ITGB1: variants seen among roughly 807,000 people sequenced by gnomAD.
ITGB1 encodes integrin beta-1.
Under a neutral mutation model 86.5 loss-of-function variants are expected in ITGB1, and 24 were observed. The observed-to-expected ratio is 0.28, with a 90% CI of 0.20 to 0.39. ITGB1 has a LOEUF of 0.39. Ranked by LOEUF, ITGB1 falls within the 10% of genes least tolerant of loss-of-function variation. The pLI is 1.00. For synonymous variants in ITGB1, 323 were observed against 316.8 expected (o/e 1.02, Z -0.21); for missense variants, 556 against 946.9 (o/e 0.59, Z 5.42).
At chr10:32,943,334 A>T (rs2095023444) in intron 1 of ITGB1, among the ~76,000 whole-genome samples, 1 of 152,200 alleles carries the variant, frequency 6.6e-6, no homozygotes, top group Non-Finnish European at 1.5e-5. Flanking sequence ...GATAAACTAA[A>T]TGTTTATTAT....
intron 1 of ITGB1, among the ~76,000 whole-genome samples, chr10:32,954,192 C>A (rs529270911): frequency 2.4e-4 from 36 of 152,148 alleles, no homozygotes; most frequent in Non-Finnish European, 3.4e-4. Flanking sequence ...GACATCTCCA[C>A]CTATGTCCCA....
chr10:32,953,997 C>T (rs977517151), intron 1 of ITGB1, among the ~76,000 whole-genome samples: 11 of 152,136 alleles, frequency 7.2e-5, no homozygotes, highest in Non-Finnish European at 1.6e-4. Flanking sequence ...TCCTCCACCC[C>T]CCCTTGACTA....
intron 1 of ITGB1, among the ~76,000 whole-genome samples, chr10:32,952,471 T>C (rs1275350222): frequency 6.6e-6 from 1 of 151,582 alleles, no homozygotes. Flanking sequence ...AACATGACCC[T>C]GTACCACCCC....
chr10:32,944,488 C>G, intron 1 of ITGB1: 5 of 380,006 alleles, frequency 1.3e-5, no homozygotes, highest in South Asian at 8.6e-5. Flanking sequence ...TGTGAAGCAC[C>G]TCTCTAGCGG....
Position 32,910,293 on chromosome 10 carries a change from G to T in ITGB1, c.2094C>A (p.Asp698Glu), listed in dbSNP as rs1352492397. ...CTGAATACGTAAAATAGAACCAACA[G>T]TCGTCAACATCCTTCTCCTTACAAT... ...VSHCKEKDVDDCWFYFTYSVN... is the reference protein window; with the variant it reads ...VSHCKEKDVDECWFYFTYSVN... The change falls in exon 14 of 16, where the codon GAC becomes GAA. Residue 698 changes from aspartate to glutamate, a missense_variant. By Grantham distance (45) the Asp-to-Glu change is conservative. Transcript: ENST00000302278. 1 of 1,606,378 alleles carries T rather than the reference G, an allele frequency of 6.2e-7. No homozygotes were observed. The highest frequency in any genetic ancestry group is 8.5e-7 in the Non-Finnish European group (1 of 1,174,370).
chr10:32,917,895 G>A (rs1236066578), intron 11 of ITGB1, among the ~76,000 whole-genome samples: 2 of 151,970 alleles, frequency 1.3e-5, no homozygotes, highest in South Asian at 2.1e-4. Flanking sequence ...ACGTGCACAC[G>A]TATGTTTACT....
At chr10:32,922,777 T>G (rs200073025) in intron 7 of ITGB1, 42 bp from the exon 8 acceptor site, 3 of 1,082,034 alleles carry the variant, frequency 2.8e-6, no homozygotes, top group Non-Finnish European at 4.1e-6. Context: ...AAATACACCC[T>G]TATAATCTCT....
Position 32,910,185 on chromosome 10 carries a change from A to T in ITGB1, c.2164+38T>A, listed in dbSNP as rs201044805. 2.2e-5 allele frequency: 31 copies of T among 1,441,724 alleles called. 1 individual carries two copies. The highest frequency in any genetic ancestry group is 3.4e-5 in the Admixed American group (2 of 58,554). 89.3% of individuals were successfully genotyped at this position (1,441,724 alleles called of 1,614,324 possible). On this transcript the variant is annotated intron_variant, in intron 14 of 15. Coordinates refer to ENST00000302278, the MANE Select transcript of ITGB1 (RefSeq NM_002211.4). ...TAAATAAGCAGAAACAAGACATACA[A>T]GATATGAAAAGAATGTCTGCAATCA...
At chr10:32,948,440 G>C (rs1565834315) in intron 1 of ITGB1, among the ~76,000 whole-genome samples, 2 of 152,120 alleles carry the variant, frequency 1.3e-5, no homozygotes, top group South Asian at 2.1e-4. Flanking sequence ...AAAAAAGATT[G>C]AGGGGAGGGA....
At chr10:32,942,807 C>G (rs1565832333) in intron 1 of ITGB1, among the ~76,000 whole-genome samples, 2 of 151,772 alleles carry the variant, frequency 1.3e-5, no homozygotes, top group Non-Finnish European at 2.9e-5. Context: ...ATCTCAGCCT[C>G]CCAAGTAACT....
intron 1 of ITGB1, chr10:32,944,675 C>T (rs2095027138): frequency 3.1e-6 from 2 of 649,454 alleles, no homozygotes; most frequent in South Asian, 2.9e-5. Flanking sequence ...GACACTTCCA[C>T]AGGCAGAAGC....
At chr10:32,929,543 C>G (rs2094976406) in intron 4 of ITGB1, among the ~76,000 whole-genome samples, 1 of 152,100 alleles carries the variant, frequency 6.6e-6, no homozygotes. Context: ...AGGATGAACA[C>G]TTTCATTTTT....
intron 1 of ITGB1, 131 bp downstream of exon 1, chr10:32,958,013 GC>G (rs1197323235): frequency 1.4e-5 from 1 of 70,338 alleles, no homozygotes; most frequent in African/African-American, 5.3e-5. Flanking sequence ...CCCCGCCCCC[GC>G]CCCCGCCCCC....
intron 1 of ITGB1, 93 bp from the exon 2 acceptor site, chr10:32,935,651 C>G: frequency 1.2e-6 from 1 of 858,260 alleles, no homozygotes; most frequent in Non-Finnish European, 1.9e-6. Context: ...CCTTCTATTG[C>G]TTTTATAAAC....
Position 32,944,984 on chromosome 10 carries a change from A to G in ITGB1, c.1-9426T>C, listed in dbSNP as rs2095027823. ...AACTAAAGTTCCACAAAGAAGCCAG[A>G]AAGCTGCCATTACTCCATGAGGAGA... On this transcript the variant is annotated intron_variant, in intron 1 of 15. Transcript: ENST00000302278. 7.7e-6 allele frequency: 7 copies of G among 907,650 alleles called. No individual in the cohort carries two copies. The Admixed American group carries it at 1.3e-4, about 17-fold the overall frequency. The allele number at this position is 907,650 out of a possible 1,614,324, so 56.2% of individuals were successfully genotyped here. A position where few individuals can be genotyped will look rare whatever the true frequency, so the allele number is the denominator to read the frequency against.
At chr10:32,922,458 A>G in intron 8 of ITGB1, 112 bp from the exon 9 acceptor site, 2 of 822,702 alleles carry the variant, frequency 2.4e-6, no homozygotes, top group Non-Finnish European at 4.0e-6. Context: ...CCTCCTAACT[A>G]ACTTTAGGAG....
rs200429978 is a variant in ITGB1 at position 32,921,017 on chromosome 10, CA to C, written c.1129-633del. On this transcript the variant is annotated intron_variant, in intron 9 of 15. Coordinates refer to ENST00000302278, the MANE Select transcript of ITGB1 (RefSeq NM_002211.4). Reference sequence around the variant, plus strand: ...AACAAAAACAAAAACAGAAACCCCCCAAAAAAAAACGAAATAAATGCTGTCT... The same window carrying C: ...AACAAAAACAAAAACAGAAACCCCCCAAAAAAAACGAAATAAATGCTGTCT... Among the ~76,000 whole-genome samples, 9 of 142,222 alleles carry C rather than the reference CA, an allele frequency of 6.3e-5. 1 individual carries two copies. The South Asian group carries it at 1.4e-3, about 22-fold the overall frequency. The allele number at this position is 142,222 out of a possible 152,430, so 93.3% of individuals were successfully genotyped here.
rs977034783 is a variant in ITGB1 at position 32,940,205 on chromosome 10, C to T, written c.1-4647G>A. Among the ~76,000 whole-genome samples, 18 of 152,030 alleles carry T rather than the reference C, an allele frequency of 1.2e-4. 3 individuals are homozygous for T. The highest frequency in any genetic ancestry group is 1.0e-3 in the Admixed American group (16 of 15,260). The stretch of plus-strand genomic sequence containing the variant: ...CAAAAAAATACAAAAATTAGCTTGG[C>T]GTGGTGGTGCGCATCTGTAGTCCCA... On this transcript the variant is annotated intron_variant, in intron 1 of 15. Coordinates refer to ENST00000302278, the MANE Select transcript of ITGB1 (RefSeq NM_002211.4).
At chr10:32,950,520 T>C (rs1185256150) in intron 1 of ITGB1, among the ~76,000 whole-genome samples, 3 of 151,810 alleles carry the variant, frequency 2.0e-5, no homozygotes, top group Non-Finnish European at 4.4e-5. Flanking sequence ...ATTAATAAGC[T>C]AGCATTAATG....
Sources: gnomAD v4.1 joint callset for allele counts (sites outside exome capture counted in the v4.1 genomes callset) on GRCh38, gnomAD v4.1.1 for gene constraint, MANE v1.5 for transcripts, NCBI Gene and HGNC (gene_info 2026-07-23, HGNC 2026-07-21) for gene names.